EDN3: variants seen among roughly 807,000 people sequenced by gnomAD.
The protein encoded by EDN3 is endothelin-3.
Under a neutral mutation model 21.4 loss-of-function variants are expected in EDN3, and 9 were observed. The ratio of observed to expected loss-of-function variants is 0.42; its 90% CI spans 0.25 to 0.73. The LOEUF (loss-of-function observed/expected upper bound fraction) is 0.73, where lower values mean the gene tolerates loss of function less well. Among genes scored for constraint, EDN3 ranks in the 30% least tolerant of loss-of-function variants. EDN3 has a pLI of 0.26. For missense variants in EDN3, 327 were observed against 309.4 expected, an observed-to-expected ratio of 1.06 and a Z score of -0.43; for synonymous variants, 133 against 126.2, an observed-to-expected ratio of 1.05 and a Z score of -0.36.
intron 2 of EDN3, among the ~76,000 whole-genome samples, chr20:59,318,576 G>A (rs1990335373): frequency 6.6e-6 from 1 of 152,196 alleles, no homozygotes; most frequent in Non-Finnish European, 1.5e-5. Context: ...TCGGTCAGCA[G>A]ACTGCACACC....
intron 3 of EDN3, among the ~76,000 whole-genome samples, chr20:59,321,941 C>G (rs915242576): frequency 6.6e-6 from 1 of 152,158 alleles, no homozygotes; most frequent in African/African-American, 2.4e-5. Flanking sequence ...AACTTCGGGC[C>G]AAGATTCATG....
chr20:59,323,294 T>C (rs1180448980), intron 4 of EDN3, among the ~76,000 whole-genome samples: 1 of 152,120 alleles, frequency 6.6e-6, no homozygotes, highest in Non-Finnish European at 1.5e-5. Flanking sequence ...ACCCAGATGG[T>C]CCCACTTTGC....
At chr20:59,301,868 T>C in intron 2 of EDN3, 146 bp downstream of exon 2, 1 of 947,864 alleles carries the variant, frequency 1.1e-6, no homozygotes, top group Non-Finnish European at 1.7e-6. Context: ...CTGGGGCCTC[T>C]TGCCAGCCCA....
intron 2 of EDN3, among the ~76,000 whole-genome samples, chr20:59,318,462 T>C (rs1461638660): frequency 2.6e-5 from 4 of 152,234 alleles, no homozygotes; most frequent in Non-Finnish European, 5.9e-5. Flanking sequence ...TTTAAATGAT[T>C]AGCCCTGTGG....
chr20:59,310,251 A>C (rs142461279), intron 2 of EDN3, among the ~76,000 whole-genome samples: 44 of 152,266 alleles, frequency 2.9e-4, no homozygotes, highest in African/African-American at 1.0e-3. Context: ...TCTGTTTTGC[A>C]TGAGAAAGTG....
rs374105599 is a variant in EDN3, at chr20:59,312,024, A to T, written c.366-8993A>T. On this transcript the variant is annotated intron_variant, in intron 2 of 4. Coordinates refer to ENST00000337938, the MANE Select transcript of EDN3 (RefSeq NM_207034.3). ...CTTTAAATTATTCAAAGCATGTATCATGGTGTCGGCATTTTTTTTAATCCC... is the reference window on the plus strand; with the variant it reads ...CTTTAAATTATTCAAAGCATGTATCTTGGTGTCGGCATTTTTTTTAATCCC... Among the ~76,000 whole-genome samples, 6 of 148,404 alleles carry T rather than the reference A, an allele frequency of 4.0e-5. No homozygotes were observed. In the East Asian group the frequency reaches 1.2e-3, roughly 29 times the overall value.
At chr20:59,313,498 G>A (rs1039408888) in intron 2 of EDN3, among the ~76,000 whole-genome samples, 3 of 152,180 alleles carry the variant, frequency 2.0e-5, no homozygotes, top group African/African-American at 7.2e-5. Context: ...GCCAAGTCCT[G>A]GGTAAATCCA....
At position 59,324,619 on chromosome 20, in the gene EDN3, T is replaced by G; in HGVS notation, c.*160T>G. The G allele has an allele frequency of 1.0e-6, 1 of 982,438 alleles. No homozygotes were observed. Among genetic ancestry groups the G allele is most frequent in the Non-Finnish European group, 1.5e-6 (1 of 657,112 alleles). The allele number at this position is 982,438 out of a possible 1,614,324, so 60.9% of individuals were successfully genotyped here. A position where few individuals can be genotyped will look rare whatever the true frequency, so the allele number is the denominator to read the frequency against. The stretch of plus-strand genomic sequence containing the variant: ...CAATACCCCCCCCCCACGGCAAGAA[T>G]GCCCAAATCCGAATGACCCCAGTTT... On this transcript the variant is annotated 3_prime_UTR_variant, in exon 5 of 5. Coordinates refer to ENST00000337938, the MANE Select transcript of EDN3 (RefSeq NM_207034.3).
At chr20:59,310,153 C>G (rs1455661024) in intron 2 of EDN3, among the ~76,000 whole-genome samples, 4 of 152,148 alleles carry the variant, frequency 2.6e-5, no homozygotes, top group Non-Finnish European at 5.9e-5. Flanking sequence ...CTTTATAATT[C>G]CAGTTCCAAA....
In EDN3 at chr20:59,300,664, T is replaced by G. The variant is rs1379513501; in HGVS notation, c.-149T>G. 1 of 737,810 alleles carries G rather than the reference T, an allele frequency of 1.4e-6. No individual in the cohort carries two copies. Among genetic ancestry groups the G allele is most frequent in the Non-Finnish European group, 2.2e-6 (1 of 452,550 alleles). 45.7% of individuals were successfully genotyped at this position (737,810 alleles called of 1,614,324 possible). ...GTTTATGACCGCCGCAGCCAACTCC[T>G]GGCCGGAGCTGGAGACGCAGCGAGC... On this transcript the variant is annotated 5_prime_UTR_variant, in exon 1 of 5. Transcript: ENST00000337938.
At chr20:59,313,576 C>T (rs1012779094) in intron 2 of EDN3, among the ~76,000 whole-genome samples, 10 of 152,158 alleles carry the variant, frequency 6.6e-5, no homozygotes, top group African/African-American at 2.4e-4. Context: ...TAACCCACAG[C>T]ACATTGCTCA....
In EDN3 at chr20:59,322,391, A is replaced by T; in HGVS notation, c.562A>T (p.Lys188Ter). ...DVSSNSRTAE[K>*]TDKEEEGKVE... is the part of the protein sequence containing the mutation. ...CCACAGTAATTCAAGGACGGCAGAA[A>T]AAACAGACAAAGAAGAGGAAGGGAA... Residue 188 changes from lysine to a stop codon, truncating the protein, a stop_gained, in exon 4 of 5, where the codon AAA becomes TAA. Coordinates refer to ENST00000337938, the MANE Select transcript of EDN3 (RefSeq NM_207034.3). LOFTEE classifies it low-confidence loss of function (END_TRUNC). The surrounding 1 kb of genome is among the most constrained non-coding windows in gnomAD (Gnocchi z 4.1). 6.2e-7 allele frequency: 1 copy of T among 1,614,260 alleles called. No individual in the cohort carries two copies. The highest frequency in any genetic ancestry group is 8.5e-7 in the Non-Finnish European group (1 of 1,180,052).
chr20:59,322,259 G>A lies in EDN3; in HGVS notation c.543-113G>A, dbSNP rs1990594000. ...AACTGTGCCTGAGACGCAGTCCTTG[G>A]GGAACGCACTAATGTGCTCATTGGT... On this transcript the variant is annotated intron_variant, in intron 3 of 4. Coordinates refer to ENST00000337938, the MANE Select transcript of EDN3 (RefSeq NM_207034.3). This position sits in a 1 kb window ranked among gnomAD's most constrained non-coding sequence, Gnocchi z 4.1. The A allele has an allele frequency of 2.5e-6, 3 of 1,191,730 alleles. No individual in the cohort carries two copies. Among genetic ancestry groups the A allele is most frequent in the Non-Finnish European group, 2.5e-6 (2 of 803,378 alleles). The allele number at this position is 1,191,730 out of a possible 1,614,324, so 73.8% of individuals were successfully genotyped here.
At position 59,322,831 on chromosome 20, in the gene EDN3, G is replaced by A. The variant is rs534155620; in HGVS notation, c.588+414G>A. ...TCCTTAGCAACATGTGGTCTTTCTCGTCAAAAAAATCATTTATTCTTTTCA... is the reference window on the plus strand; with the variant it reads ...TCCTTAGCAACATGTGGTCTTTCTCATCAAAAAAATCATTTATTCTTTTCA... On this transcript the variant is annotated intron_variant, in intron 4 of 4. Transcript: ENST00000337938. The surrounding 1 kb of genome is among the most constrained non-coding windows in gnomAD (Gnocchi z 4.1). Among the ~76,000 whole-genome samples, 7 of 152,272 alleles carry A rather than the reference G, an allele frequency of 4.6e-5. No homozygotes were observed. Among genetic ancestry groups the A allele is most frequent in the East Asian group, 3.9e-4 (2 of 5,180 alleles).
chr20:59,311,869 T>G (rs1989840005), intron 2 of EDN3, among the ~76,000 whole-genome samples: 1 of 152,256 alleles, frequency 6.6e-6, no homozygotes, highest in East Asian at 1.9e-4. Flanking sequence ...CACAGACAAT[T>G]AGGTTAGGTG....
chr20:59,304,829 C>T (rs1233262352), intron 2 of EDN3, among the ~76,000 whole-genome samples: 1 of 152,184 alleles, frequency 6.6e-6, no homozygotes, highest in Admixed American at 6.5e-5. Flanking sequence ...CCTCCTTAGT[C>T]CTTCCAGACC....
chr20:59,310,537 C>T (rs1024439875), intron 2 of EDN3, among the ~76,000 whole-genome samples: 1 of 152,098 alleles, frequency 6.6e-6, no homozygotes, highest in African/African-American at 2.4e-5. Flanking sequence ...ATCTGCCCCA[C>T]CTCAGAGTCT....
At chr20:59,318,699 G>A (rs1017861434) in intron 2 of EDN3, among the ~76,000 whole-genome samples, 2 of 152,214 alleles carry the variant, frequency 1.3e-5, no homozygotes, top group Non-Finnish European at 2.9e-5. Context: ...GCACTTTACC[G>A]CGCTTGGCGG....
chr20:59,312,445 C>A (rs746153056), intron 2 of EDN3, among the ~76,000 whole-genome samples: 1 of 152,128 alleles, frequency 6.6e-6, no homozygotes, highest in Non-Finnish European at 1.5e-5. Flanking sequence ...TTCTCCTTTC[C>A]TTTGACCCCC....
Sources: gnomAD v4.1 joint callset for allele counts (sites outside exome capture counted in the v4.1 genomes callset) on GRCh38, gnomAD v4.1.1 for gene constraint, Gnocchi (gnomAD v3.1) non-coding constraint, MANE v1.5 for transcripts, NCBI Gene and HGNC (gene_info 2026-07-23, HGNC 2026-07-21) for gene names.